Variants in DST observed in about 807,000 individuals in gnomAD.
DST encodes the protein bullous pemphigoid antigen.
In DST, 253 loss-of-function variants were observed where a neutral mutation model predicts 875.2. The observed-to-expected ratio is 0.29, with a 90% CI of 0.26 to 0.32. The LOEUF (loss-of-function observed/expected upper bound fraction) is 0.32. Among genes scored for constraint, DST ranks in the 10% least tolerant of loss-of-function variants. The probability of loss-of-function intolerance (pLI) is 1.00; values close to 1 mark genes in which losing one functional copy is unlikely to be tolerated. For synonymous variants in DST, 3,124 were observed against 3,197.1 expected (o/e 0.98, Z 0.77); for missense variants, 8,287 against 9,111.6 (o/e 0.91, Z 3.68).
At chr6:56,906,415 A>G (rs1796438615) in intron 2 of DST, among the ~76,000 whole-genome samples, 1 of 152,188 alleles carries the variant, frequency 6.6e-6, no homozygotes. Context: ...TGCAGGAAAG[A>G]ACTACCTGGG....
chr6:56,648,671 T>C lies in DST; in HGVS notation c.1453A>G (p.Ile485Val). 6.4e-7 allele frequency: 1 copy of C among 1,574,774 alleles called. No individual in the cohort carries two copies. The highest frequency in any genetic ancestry group is 8.6e-7 in the Non-Finnish European group (1 of 1,157,582). ...TAGTTCACCATATTCTGGTATTCAA[T>C]CCATTTGACTTCAACATCCTAGAAC... ...IGANDVEVKW[I>V]EYQNMVNYLI... The change falls in exon 13 of 104, where the codon ATT (isoleucine) becomes GTT (valine). Residue 485 changes from isoleucine to valine, a missense_variant. This residue lies in a region of DST where 1,160 missense variants were observed against 1,424.3 expected (regional missense o/e 0.81). Coordinates refer to ENST00000680361, the MANE Select transcript of DST (RefSeq NM_001374736.1).
intron 90 of DST, among the ~76,000 whole-genome samples, chr6:56,480,824 A>G (rs1332656337): frequency 6.6e-6 from 1 of 152,134 alleles, no homozygotes; most frequent in Non-Finnish European, 1.5e-5. Flanking sequence ...AGATATGCAC[A>G]ATGGGCTTTA....
chr6:56,567,239 T>A (rs967493582), intron 55 of DST, among the ~76,000 whole-genome samples: 5 of 152,154 alleles, frequency 3.3e-5, no homozygotes, highest in Non-Finnish European at 7.3e-5. Flanking sequence ...CTATCGGCTA[T>A]GTATCCAAAA....
At chr6:56,535,327 GTTTCACAAAATAATGCAATC>G (rs756778629) in intron 62 of DST, 35 bp from the exon 63 acceptor site, 1 of 1,541,854 alleles carries the variant, frequency 6.5e-7, no homozygotes, top group East Asian at 2.4e-5. Flanking sequence ...TTATTTATTT[GTTTCACAAAATAATGCAATC>G]TGAGCACAAA....
At chr6:56,489,382 A>C (rs1034227385) in intron 86 of DST, 108 bp downstream of exon 86, 3 of 1,134,728 alleles carry the variant, frequency 2.6e-6, no homozygotes, top group Non-Finnish European at 3.6e-6. Flanking sequence ...TTCACACTGG[A>C]CCTACATTTT....
chr6:56,520,939 C>T (rs1456084167), intron 69 of DST, among the ~76,000 whole-genome samples: 4 of 151,868 alleles, frequency 2.6e-5, no homozygotes, highest in East Asian at 1.9e-4. Flanking sequence ...AATTTAATAT[C>T]GTCAAGTTTA....
chr6:56,630,163 C>T lies in DST; in HGVS notation c.4281+82G>A, dbSNP rs2098766185. ...CCATTCAAAAATCCAAGATATTTAA[C>T]ACTTGATGTTTGAAGATCTAAGTGC... On this transcript the variant is annotated intron_variant, in intron 31 of 103. Coordinates refer to ENST00000680361, the MANE Select transcript of DST (RefSeq NM_001374736.1). 3.8e-6 allele frequency: 4 copies of T among 1,057,252 alleles called. No individual in the cohort carries two copies. In the African/African-American group the frequency reaches 6.3e-5, roughly 17 times the overall value. The allele number at this position is 1,057,252 out of a possible 1,614,324, so 65.5% of individuals were successfully genotyped here. A position where few individuals can be genotyped will look rare whatever the true frequency, so the allele number is the denominator to read the frequency against.
chr6:56,578,690 T>C, intron 50 of DST, 124 bp downstream of exon 50: 1 of 1,002,482 alleles, frequency 1.0e-6, no homozygotes, highest in Non-Finnish European at 1.4e-6. Context: ...AGGAACACCA[T>C]TTCACAGAGA....
At chr6:56,801,864 C>T (rs556135721) in intron 4 of DST, among the ~76,000 whole-genome samples, 2 of 151,590 alleles carry the variant, frequency 1.3e-5, no homozygotes, top group East Asian at 3.9e-4. Context: ...ATTCTCCTGA[C>T]TCAGCCTCCC....
chr6:56,596,661 T>C (rs1563064142), intron 47 of DST, among the ~76,000 whole-genome samples: 1 of 152,160 alleles, frequency 6.6e-6, no homozygotes, highest in Non-Finnish European at 1.5e-5. Context: ...TATAAGAACC[T>C]CACAGGGAGT....
chr6:56,823,940 C>G (rs1157301756), intron 4 of DST, among the ~76,000 whole-genome samples: 1 of 152,152 alleles, frequency 6.6e-6, no homozygotes, highest in Non-Finnish European at 1.5e-5. Flanking sequence ...ATGCCAAGCA[C>G]CATGATAAGC....
At chr6:56,924,037 T>A (rs1360317412) in intron 2 of DST, among the ~76,000 whole-genome samples, 1 of 152,080 alleles carries the variant, frequency 6.6e-6, no homozygotes, top group Non-Finnish European at 1.5e-5. Flanking sequence ...GGCAATTGAA[T>A]CGCTTGAGCC....
At chr6:56,586,453 A>C (rs1250240345) in intron 49 of DST, among the ~76,000 whole-genome samples, 18 of 151,022 alleles carry the variant, frequency 1.2e-4, no homozygotes, top group Admixed American at 1.2e-3. Flanking sequence ...TGCTTGGTAG[A>C]TCTTCCTCCA....
chr6:56,549,695 A>G (rs1386256337), intron 61 of DST, among the ~76,000 whole-genome samples: 1 of 152,090 alleles, frequency 6.6e-6, no homozygotes, highest in Admixed American at 6.6e-5. Context: ...TGTTCATCTC[A>G]TATTTCTCAT....
rs1414412568 is a variant in DST, at chr6:56,604,347, C to T, written c.10281G>A (p.Lys3427=). 6.2e-7 allele frequency: 1 copy of T among 1,612,212 alleles called. No individual in the cohort carries two copies. Among genetic ancestry groups the T allele is most frequent in the Non-Finnish European group, 8.5e-7 (1 of 1,179,080 alleles). ...VSPMTNSSEL[K]PESRDDPFCI... ...AGAAAGGATCATCTCTACTTTCTGG[C>T]TTTAGTTCTGATGAGTTAGTCATGG... Residue 3427 remains lysine, a synonymous_variant, in exon 40 of 104, where the codon AAG becomes AAA. Transcript: ENST00000680361.
At position 56,562,132 on chromosome 6, in the gene DST, A is replaced by C; in HGVS notation, c.14068+6T>G. On this transcript the variant is annotated splice_donor_region_variant and intron_variant, in intron 56 of 103. Transcript: ENST00000680361. ...TAATCAGTAACAAATTAAAATTAAT[A>C]CTCACCTTTATTTGCCCAAAATTCC... 6.6e-7 allele frequency: 1 copy of C among 1,519,556 alleles called. No individual in the cohort carries two copies. The allele number at this position is 1,519,556 out of a possible 1,614,324, so 94.1% of individuals were successfully genotyped here. A position where few individuals can be genotyped will look rare whatever the true frequency, so the allele number is the denominator to read the frequency against.
intron 5 of DST, among the ~76,000 whole-genome samples, chr6:56,722,368 G>GTTTGTTTATTTA (rs376637331): frequency 0.021 from 3,202 of 150,658 alleles, 106 homozygotes; most frequent in African/African-American, 0.072. Context: ...GTACATGTTT[G>GTTTGTTTATTTA]TTTATTTATT....
chr6:56,853,827 G>C (rs1289508627), intron 3 of DST, among the ~76,000 whole-genome samples: 1 of 152,034 alleles, frequency 6.6e-6, no homozygotes, highest in Non-Finnish European at 1.5e-5. Context: ...CTCTAATCTG[G>C]TAGTGTCATT....
In DST at chr6:56,609,112, C is replaced by T. The variant is rs745505542; in HGVS notation, c.5516G>A (p.Ser1839Asn). Reference protein sequence around the residue: ...EQILCQLKELSKAKEIISAAS... With the variant: ...EQILCQLKELNKAKEIISAAS... ...AGCAGAAATAATCTCCTTAGCTTTA[C>T]TTAGTTCTTTGAGTTGGCACAGAAT... is the stretch of plus-strand genomic sequence containing the variant. Residue 1839 changes from serine to asparagine, a missense_variant, in exon 40 of 104, where the codon AGT becomes AAT. Ser to Asn is a conservative substitution (Grantham distance 46). This residue lies in a region of DST where 3,138 missense variants were observed against 3,116.6 expected (regional missense o/e 1.01). Coordinates refer to ENST00000680361, the MANE Select transcript of DST (RefSeq NM_001374736.1). 1 of 1,613,810 alleles carries T rather than the reference C, an allele frequency of 6.2e-7. No individual in the cohort carries two copies. The highest frequency in any genetic ancestry group is 8.5e-7 in the Non-Finnish European group (1 of 1,179,786).
Sources: allele counts gnomAD v4.1 joint callset (sites outside exome capture counted in the v4.1 genomes callset), GRCh38; gene constraint gnomAD v4.1.1; regional missense constraint gnomAD v4.1.1; transcripts MANE v1.5; gene names NCBI Gene and HGNC (gene_info 2026-07-23, HGNC 2026-07-21).